The following MMS22L variants were observed in gnomAD, a reference collection of about 807,000 sequenced individuals.
MMS22L encodes MMS22 like, DNA repair protein, also known as protein MMS22-like.
In MMS22L, 74 loss-of-function variants were observed where a neutral mutation model predicts 159.1. That is an observed-to-expected ratio of 0.47 (90% CI 0.39 to 0.56). The LOEUF is 0.56. Ranked by LOEUF, MMS22L falls within the 20% of genes least tolerant of loss-of-function variation. The pLI, the probability that MMS22L is intolerant of heterozygous loss-of-function variation, is 0.00. For missense variants in MMS22L, 1,351 were observed against 1,422.1 expected (o/e 0.95, Z 0.80); for synonymous variants, 517 against 506.9 (o/e 1.02, Z -0.27).
chr6:97,261,017 T>C (rs895192799), intron 9 of MMS22L: 1 of 152,172 alleles, frequency 6.6e-6, no homozygotes, highest in Non-Finnish European at 1.5e-5. Flanking sequence ...AGAAACTCCA[T>C]GTCATGTGGA....
At chr6:97,156,469 T>C (rs972432101) in intron 22 of MMS22L, among the ~76,000 whole-genome samples, 1 of 152,252 alleles carries the variant, frequency 6.6e-6, no homozygotes, top group African/African-American at 2.4e-5. Flanking sequence ...TTTAAGTCTT[T>C]AATCCATCTT....
chr6:97,232,445 G>T (rs1167230561), intron 12 of MMS22L, among the ~76,000 whole-genome samples: 1 of 152,022 alleles, frequency 6.6e-6, no homozygotes, highest in East Asian at 1.9e-4. Flanking sequence ...TCAGAATTAG[G>T]TGTTTCTTTT....
chr6:97,246,748 A>C, intron 10 of MMS22L, 58 bp from the exon 11 acceptor site: 1 of 1,223,784 alleles, frequency 8.2e-7, no homozygotes, highest in Non-Finnish European at 1.2e-6. Flanking sequence ...CCTATATTTA[A>C]AATTAGGGTA....
At chr6:97,147,330 C>A (rs1390800492) in intron 24 of MMS22L, among the ~76,000 whole-genome samples, 3 of 152,088 alleles carry the variant, frequency 2.0e-5, no homozygotes, top group African/African-American at 7.2e-5. Flanking sequence ...CTTTTAACTT[C>A]TTATAAGTAA....
At chr6:97,172,973 G>T in intron 19 of MMS22L, 90 bp downstream of exon 19, 1 of 1,229,986 alleles carries the variant, frequency 8.1e-7, no homozygotes, top group Non-Finnish European at 1.1e-6. Context: ...ATGGAGGGTA[G>T]TGATTTAGCC....
At chr6:97,248,800 A>G (rs559221396) in intron 10 of MMS22L, among the ~76,000 whole-genome samples, 1 of 151,994 alleles carries the variant, frequency 6.6e-6, no homozygotes, top group East Asian at 1.9e-4. Flanking sequence ...CAGAGGTTGC[A>G]GTGAGCAGAG....
At chr6:97,264,434 T>C (rs1378798488) in intron 8 of MMS22L, 2 of 151,928 alleles carry the variant, frequency 1.3e-5, no homozygotes, top group Admixed American at 1.3e-4. Flanking sequence ...TTTGCAAATA[T>C]AGCTAGGCTT....
chr6:97,232,724 C>G (rs1810998392), intron 12 of MMS22L, among the ~76,000 whole-genome samples: 1 of 151,994 alleles, frequency 6.6e-6, no homozygotes, highest in African/African-American at 2.4e-5. Flanking sequence ...CTCCAACTAG[C>G]CTAAAATTAT....
intron 16 of MMS22L, among the ~76,000 whole-genome samples, chr6:97,180,096 GT>G (rs1041852669): frequency 9.4e-5 from 14 of 148,880 alleles, no homozygotes; most frequent in African/African-American, 2.7e-4. Context: ...GCTAAACTTG[GT>G]TTTTTTTTTC....
intron 14 of MMS22L, among the ~76,000 whole-genome samples, chr6:97,213,962 A>AT (rs1311460049): frequency 2.6e-5 from 4 of 152,134 alleles, no homozygotes; most frequent in Non-Finnish European, 5.9e-5. Flanking sequence ...TTAAAAAAAA[A>AT]TTTTCTAGTC....
At chr6:97,158,466 C>G (rs1309211084) in intron 22 of MMS22L, among the ~76,000 whole-genome samples, 1 of 152,176 alleles carries the variant, frequency 6.6e-6, no homozygotes, top group Non-Finnish European at 1.5e-5. Flanking sequence ...AAATTTCCCT[C>G]TACACACTGC....
At chr6:97,239,700 G>C (rs1262915288) in intron 11 of MMS22L, among the ~76,000 whole-genome samples, 1 of 152,102 alleles carries the variant, frequency 6.6e-6, no homozygotes, top group Non-Finnish European at 1.5e-5. Flanking sequence ...GATTCCTTGA[G>C]GCCAATAATT....
At chr6:97,198,272 T>G (rs1024214925) in intron 14 of MMS22L, among the ~76,000 whole-genome samples, 2 of 152,150 alleles carry the variant, frequency 1.3e-5, no homozygotes, top group Non-Finnish European at 2.9e-5. Flanking sequence ...GATGTATTAC[T>G]GAAGAAGAAG....
chr6:97,163,532 A>G (rs1356829924), intron 21 of MMS22L, among the ~76,000 whole-genome samples: 9 of 152,106 alleles, frequency 5.9e-5, no homozygotes. Flanking sequence ...CTGGGATCCT[A>G]AACACTGGGG....
At chr6:97,191,015 A>T (rs1038923689) in intron 14 of MMS22L, among the ~76,000 whole-genome samples, 4 of 151,946 alleles carry the variant, frequency 2.6e-5, no homozygotes. Context: ...ATCTTCAAGT[A>T]TTTTCCTGAT....
At chr6:97,170,201 T>A (rs1803387039) in intron 19 of MMS22L, among the ~76,000 whole-genome samples, 1 of 152,156 alleles carries the variant, frequency 6.6e-6, no homozygotes, top group Non-Finnish European at 1.5e-5. Flanking sequence ...GTTGAACATA[T>A]CCCTCATGAA....
At chr6:97,196,416 C>T (rs1030303841) in intron 14 of MMS22L, among the ~76,000 whole-genome samples, 3 of 152,120 alleles carry the variant, frequency 2.0e-5, no homozygotes, top group Non-Finnish European at 2.9e-5. Flanking sequence ...TGTGGTATTA[C>T]TAGTAGACGG....
Position 97,150,989 on chromosome 6 carries a change from T to A in MMS22L, c.3482+782A>T, listed in dbSNP as rs575441674. ...AATAGATCTACTTCTATAAAGTCCATGCTTCACAAATTAAACATAACGGAG... is the reference window on the plus strand; with the variant it reads ...AATAGATCTACTTCTATAAAGTCCAAGCTTCACAAATTAAACATAACGGAG... On this transcript the variant is annotated intron_variant, in intron 23 of 24. Transcript: ENST00000683635. Among the ~76,000 whole-genome samples, 10 of 152,328 alleles carry A rather than the reference T, an allele frequency of 6.6e-5. No homozygotes were observed. In the South Asian group the frequency reaches 2.1e-3, roughly 32 times the overall value.
chr6:97,169,625 C>A (rs1279608943), intron 19 of MMS22L, among the ~76,000 whole-genome samples: 1 of 152,064 alleles, frequency 6.6e-6, no homozygotes, highest in Non-Finnish European at 1.5e-5. Context: ...AAAGGAAGTA[C>A]AATAATCAAT....
Sources: gnomAD v4.1 joint callset for allele counts (sites outside exome capture counted in the v4.1 genomes callset) on GRCh38, gnomAD v4.1.1 for gene constraint, MANE v1.5 for transcripts, NCBI Gene and HGNC (gene_info 2026-07-23, HGNC 2026-07-21) for gene names.